The following PAIP1 variants were observed in gnomAD, a reference collection of about 807,000 sequenced individuals.
PAIP1 encodes the protein polyadenylate-binding protein-interacting protein 1.
PAIP1 carries 16 observed loss-of-function variants against 61.3 expected under a neutral mutation model. The ratio of observed to expected loss-of-function variants is 0.26; its 90% CI spans 0.18 to 0.40. PAIP1 has a LOEUF of 0.40. Ranked by LOEUF, PAIP1 falls within the 10% of genes least tolerant of loss-of-function variation. The probability of loss-of-function intolerance (pLI) is 1.00; values close to 1 mark genes in which losing one functional copy is unlikely to be tolerated. For missense variants in PAIP1, 416 were observed against 600.9 expected (o/e 0.69, Z 3.22); for synonymous variants, 187 against 226.2 (o/e 0.83, Z 1.56).
chr5:43,527,916 G>A (rs1285801709), intron 10 of PAIP1, among the ~76,000 whole-genome samples: 2 of 152,142 alleles, frequency 1.3e-5, no homozygotes, highest in Admixed American at 6.5e-5. Flanking sequence ...TGCTATTCCT[G>A]CTATGATTTC....
chr5:43,536,803 A>C lies in PAIP1; in HGVS notation c.972+16T>G. 1 of 783,160 alleles carries C rather than the reference A, an allele frequency of 1.3e-6. No individual in the cohort carries two copies. The highest frequency in any genetic ancestry group is 1.8e-6 in the Non-Finnish European group (1 of 554,832). 48.5% of individuals were successfully genotyped at this position (783,160 alleles called of 1,614,324 possible). A position where few individuals can be genotyped will look rare whatever the true frequency, so the allele number is the denominator to read the frequency against. On this transcript the variant is annotated intron_variant, in intron 6 of 10. Transcript: ENST00000306846. Reference sequence around the variant, plus strand: ...AGTAAATACGTAAATTAGTTAAATTAAAAAAAAAAACCTACCTTTAACAAT... The same window carrying C: ...AGTAAATACGTAAATTAGTTAAATTCAAAAAAAAAACCTACCTTTAACAAT...
chr5:43,537,996 C>CA lies in PAIP1; in HGVS notation c.846+927dup, dbSNP rs5867636. 8.0e-3 allele frequency among the ~76,000 whole-genome samples: 744 copies of CA among 92,662 alleles called. 4 individuals carry two copies. The highest frequency in any genetic ancestry group is 0.029 in the African/African-American group (718 of 24,952). 60.8% of individuals were successfully genotyped at this position (92,662 alleles called of 152,430 possible). On this transcript the variant is annotated intron_variant, in intron 5 of 10. Transcript: ENST00000306846. ...GTGACAGAGCGAGACTGTCCCCACC[C>CA]AAAAAAAAAAAAAAAAAAAAAAAAT...
At chr5:43,535,075 A>G in intron 7 of PAIP1, 105 bp from the exon 8 acceptor site, 2 of 689,148 alleles carry the variant, frequency 2.9e-6, no homozygotes, top group Admixed American at 4.8e-5. Flanking sequence ...TAACAGGTAC[A>G]TCTGATGCCT....
At chr5:43,542,383 T>C (rs887930257) in intron 4 of PAIP1, among the ~76,000 whole-genome samples, 1 of 151,172 alleles carries the variant, frequency 6.6e-6, no homozygotes, top group African/African-American at 2.4e-5. Context: ...AATACAAAAA[T>C]TAGCCGGGCA....
chr5:43,547,965 A>C, intron 2 of PAIP1, 52 bp from the exon 3 acceptor site: 1 of 1,177,472 alleles, frequency 8.5e-7, no homozygotes, highest in Non-Finnish European at 1.2e-6. Flanking sequence ...TGGCTAAAAC[A>C]CACAAGGTGG....
At chr5:43,546,771 C>T (rs186577324) in intron 3 of PAIP1, among the ~76,000 whole-genome samples, 4 of 151,878 alleles carry the variant, frequency 2.6e-5, no homozygotes, top group East Asian at 1.9e-4. Context: ...CCAGGTGCAG[C>T]GGCTCATGTC....
intron 2 of PAIP1, among the ~76,000 whole-genome samples, chr5:43,551,827 T>A (rs1056165208): frequency 6.6e-6 from 1 of 150,854 alleles, no homozygotes; most frequent in African/African-American, 2.4e-5. Flanking sequence ...AAAGTAGAAC[T>A]GCTCTGAATA....
chr5:43,547,313 C>G (rs567928991), intron 3 of PAIP1, among the ~76,000 whole-genome samples: 1 of 152,032 alleles, frequency 6.6e-6, no homozygotes, highest in Admixed American at 6.5e-5. Context: ...TCTAATACTA[C>G]TATTCAATTC....
chr5:43,549,725 T>A (rs1747790128), intron 2 of PAIP1, among the ~76,000 whole-genome samples: 1 of 151,492 alleles, frequency 6.6e-6, no homozygotes, highest in Non-Finnish European at 1.5e-5. Context: ...CTTTATTTTT[T>A]ATTTTTATTT....
At chr5:43,550,393 A>G (rs1747815506) in intron 2 of PAIP1, among the ~76,000 whole-genome samples, 1 of 150,896 alleles carries the variant, frequency 6.6e-6, no homozygotes, top group African/African-American at 2.4e-5. Flanking sequence ...GAGAATACTG[A>G]GTCATATTCC....
chr5:43,556,861 G>GCCTCCT lies in PAIP1; in HGVS notation c.-21_-16dup, dbSNP rs1186703056. ...CCGTCCGACATGCTCCTCCTCCTCC[G>GCCTCCT]CCTCCTCCTCCAGGGGCCGCTGCCG... On this transcript the variant is annotated 5_prime_UTR_variant, in exon 1 of 11. Coordinates refer to ENST00000306846, the MANE Select transcript of PAIP1 (RefSeq NM_006451.5). 30 of 1,406,306 alleles carry GCCTCCT rather than the reference G, an allele frequency of 2.1e-5. No individual in the cohort carries two copies. The highest frequency in any genetic ancestry group is 3.5e-5 in the Admixed American group (1 of 28,746). The allele number at this position is 1,406,306 out of a possible 1,614,324, so 87.1% of individuals were successfully genotyped here.
chr5:43,527,503 T>C, intron 10 of PAIP1, 34 bp from the exon 11 acceptor site: 1 of 1,546,230 alleles, frequency 6.5e-7, no homozygotes, highest in South Asian at 1.2e-5. Flanking sequence ...AAGTGTAAGG[T>C]TTTTCAACTC....
intron 10 of PAIP1, 66 bp from the exon 11 acceptor site, chr5:43,527,535 T>C: frequency 2.1e-6 from 3 of 1,401,104 alleles, no homozygotes; most frequent in Non-Finnish European, 9.7e-7. Flanking sequence ...TGCTAAATCA[T>C]GAAAAAAATA....
At position 43,556,893 on chromosome 5, in the gene PAIP1, T is replaced by A. The variant is rs1339271635; in HGVS notation, c.-47A>T. The A allele has an allele frequency of 2.2e-6, 3 of 1,353,464 alleles. No individual in the cohort carries two copies. The highest frequency in any genetic ancestry group is 2.8e-6 in the Non-Finnish European group (3 of 1,056,492). 83.8% of individuals were successfully genotyped at this position (1,353,464 alleles called of 1,614,324 possible). A position where few individuals can be genotyped will look rare whatever the true frequency, so the allele number is the denominator to read the frequency against. ...CCTCCAGGGGCCGCTGCCGCTGCGC[T>A]CGCGATAGGACGCGGGGGGAAGGCG... On this transcript the variant is annotated 5_prime_UTR_variant, in exon 1 of 11. Transcript: ENST00000306846.
intron 3 of PAIP1, among the ~76,000 whole-genome samples, chr5:43,544,228 G>C (rs116196112): frequency 6.9e-6 from 1 of 144,270 alleles, no homozygotes; most frequent in Non-Finnish European, 1.5e-5. Flanking sequence ...TCTAACAAAT[G>C]TCCTGCTACC....
At chr5:43,548,876 G>A (rs1323357265) in intron 2 of PAIP1, among the ~76,000 whole-genome samples, 1 of 152,120 alleles carries the variant, frequency 6.6e-6, no homozygotes, top group Admixed American at 6.5e-5. Flanking sequence ...GTCAGTGAGT[G>A]CATAGAAGAA....
intron 4 of PAIP1, 23 bp from the exon 5 acceptor site, chr5:43,539,058 T>A (rs1486530703): frequency 1.7e-5 from 23 of 1,393,338 alleles, no homozygotes; most frequent in Admixed American, 1.7e-5. Flanking sequence ...ATATCTTTTA[T>A]AATCTCACAT....
At chr5:43,545,908 C>T (rs1747617824) in intron 3 of PAIP1, among the ~76,000 whole-genome samples, 1 of 151,708 alleles carries the variant, frequency 6.6e-6, no homozygotes, top group Admixed American at 6.6e-5. Flanking sequence ...TAGCTGGGAT[C>T]ACAGGCATGC....
chr5:43,544,687 CA>C (rs539106342), intron 3 of PAIP1, among the ~76,000 whole-genome samples: 312 of 152,180 alleles, frequency 2.1e-3, no homozygotes, highest in Middle Eastern at 3.4e-3. Flanking sequence ...CACATAATGC[CA>C]AAAGTGGAAA....
Sources: gnomAD v4.1 joint callset for allele counts (sites outside exome capture counted in the v4.1 genomes callset) on GRCh38, gnomAD v4.1.1 for gene constraint, MANE v1.5 for transcripts, NCBI Gene and HGNC (gene_info 2026-07-23, HGNC 2026-07-21) for gene names.